Variants in NBAS observed in about 807,000 individuals in gnomAD.
NBAS encodes NBAS subunit of NRZ tethering complex.
Under a neutral mutation model 302.5 loss-of-function variants are expected in NBAS, and 219 were observed. The ratio of observed to expected loss-of-function variants is 0.72; its 90% CI spans 0.65 to 0.81. NBAS has a LOEUF of 0.81. Among genes scored for constraint, NBAS ranks in the 30% least tolerant of loss-of-function variants. The pLI is 0.00. For missense variants in NBAS, 2,932 were observed against 2,841.6 expected (o/e 1.03, Z -0.72); for synonymous variants, 1,118 against 1,021.6 (o/e 1.09, Z -1.80).
the NBAS span, among the ~76,000 whole-genome samples, chr2:14,899,973 T>G: frequency 6.6e-6 from 1 of 152,138 alleles, no homozygotes; most frequent in Non-Finnish European, 1.5e-5. Flanking sequence ...AAGACATCAG[T>G]GATCAGTGAC....
intron 47 of NBAS, 102 bp downstream of exon 47, chr2:15,232,320 G>A (rs1667413664): frequency 9.3e-7 from 1 of 1,075,524 alleles, no homozygotes; most frequent in Non-Finnish European, 1.4e-6. Flanking sequence ...ACCTAAAAAT[G>A]TGGCTTAGTC....
At chr2:14,879,557 A>G in the NBAS span, among the ~76,000 whole-genome samples, 1 of 152,164 alleles carries the variant, frequency 6.6e-6, no homozygotes, top group Non-Finnish European at 1.5e-5. Context: ...TAAACAGATT[A>G]CAAATCTGTT....
the NBAS span, among the ~76,000 whole-genome samples, chr2:14,841,851 A>T: frequency 2.6e-5 from 4 of 152,048 alleles, no homozygotes; most frequent in Non-Finnish European, 5.9e-5. Context: ...CCTAACTGAC[A>T]TTTACAGAAC....
the NBAS span, among the ~76,000 whole-genome samples, chr2:14,924,008 T>C: frequency 6.6e-6 from 1 of 152,258 alleles, no homozygotes; most frequent in South Asian, 2.1e-4. Context: ...TGGCTGGACC[T>C]TTTCCTCGCA....
chr2:15,114,673 G>T, the NBAS span, among the ~76,000 whole-genome samples: 2 of 152,152 alleles, frequency 1.3e-5, no homozygotes, highest in African/African-American at 4.8e-5. Context: ...ACTCTGGGGG[G>T]AAGTATGTGG....
chr2:15,509,149 CT>C (rs1662018745), intron 10 of NBAS, among the ~76,000 whole-genome samples: 1 of 152,174 alleles, frequency 6.6e-6, no homozygotes, highest in South Asian at 2.1e-4. Context: ...CCTCACTTTA[CT>C]TTTTATAGAT....
At chr2:15,003,932 C>T in the NBAS span, among the ~76,000 whole-genome samples, 2 of 152,186 alleles carry the variant, frequency 1.3e-5, no homozygotes, top group Non-Finnish European at 2.9e-5. Flanking sequence ...CGGCTTTACT[C>T]TAGTGACTCG....
the NBAS span, among the ~76,000 whole-genome samples, chr2:14,918,588 A>C: frequency 1.3e-5 from 2 of 152,248 alleles, no homozygotes; most frequent in Admixed American, 1.3e-4. Flanking sequence ...AAAGAGCCTG[A>C]TGCCATAGAG....
At chr2:14,983,926 T>C in the NBAS span, among the ~76,000 whole-genome samples, 1 of 152,206 alleles carries the variant, frequency 6.6e-6, no homozygotes, top group Non-Finnish European at 1.5e-5. Context: ...ACAAGACTTC[T>C]GCTGTCAGAA....
chr2:15,305,449 G>GTTTTT (rs35136896), intron 40 of NBAS, among the ~76,000 whole-genome samples: 1 of 123,804 alleles, frequency 8.1e-6, no homozygotes, highest in Non-Finnish European at 1.7e-5. Context: ...GTCTCGAGCA[G>GTTTTT]TTTTTTTTTT....
At chr2:15,464,531 T>C (rs1423745302) in intron 19 of NBAS, among the ~76,000 whole-genome samples, 1 of 152,166 alleles carries the variant, frequency 6.6e-6, no homozygotes, top group Admixed American at 6.6e-5. Flanking sequence ...CTCTTTCTTC[T>C]GTTCCATAAA....
chr2:15,023,048 G>T, the NBAS span, among the ~76,000 whole-genome samples: 1 of 150,842 alleles, frequency 6.6e-6, no homozygotes, highest in African/African-American at 2.4e-5. Context: ...CTCCTCATCT[G>T]CACCCATTAT....
At chr2:14,988,877 T>C in the NBAS span, among the ~76,000 whole-genome samples, 1 of 152,128 alleles carries the variant, frequency 6.6e-6, no homozygotes, top group Non-Finnish European at 1.5e-5. Flanking sequence ...GTTAGGCATG[T>C]GACATAAAAC....
At chr2:15,425,733 C>T (rs1388615007) in intron 22 of NBAS, among the ~76,000 whole-genome samples, 1 of 152,176 alleles carries the variant, frequency 6.6e-6, no homozygotes, top group Non-Finnish European at 1.5e-5. Flanking sequence ...CTCCTGGCAT[C>T]TCTTACATCT....
chr2:15,304,445 A>T (rs1290852155), intron 40 of NBAS, among the ~76,000 whole-genome samples: 1 of 152,228 alleles, frequency 6.6e-6, no homozygotes, highest in Non-Finnish European at 1.5e-5. Context: ...TTAATACTGC[A>T]GAAAGTGGGG....
At chr2:15,300,316 T>C (rs1670740857) in intron 40 of NBAS, among the ~76,000 whole-genome samples, 1 of 152,234 alleles carries the variant, frequency 6.6e-6, no homozygotes, top group African/African-American at 2.4e-5. Flanking sequence ...CTGGGTGTTA[T>C]TATGTGCAGG....
At chr2:15,126,547 G>A in the NBAS span, among the ~76,000 whole-genome samples, 14 of 152,148 alleles carry the variant, frequency 9.2e-5, no homozygotes, top group African/African-American at 3.4e-4. Context: ...ACACAGATCA[G>A]AGGTACCTCA....
intron 11 of NBAS, among the ~76,000 whole-genome samples, chr2:15,493,812 T>A (rs1048332585): frequency 6.6e-6 from 1 of 150,990 alleles, no homozygotes; most frequent in Non-Finnish European, 1.5e-5. Context: ...AAAATTTATA[T>A]GTAGCTGCAA....
the NBAS span, among the ~76,000 whole-genome samples, chr2:14,998,546 G>A: frequency 6.6e-6 from 1 of 152,334 alleles, no homozygotes; most frequent in East Asian, 1.9e-4. Context: ...GTTTGCTACT[G>A]CAATGGTGAG....
Sources: gnomAD v4.1 joint callset for allele counts (sites outside exome capture counted in the v4.1 genomes callset) on GRCh38, gnomAD v4.1.1 for gene constraint, MANE v1.5 for transcripts, NCBI Gene and HGNC (gene_info 2026-07-23, HGNC 2026-07-21) for gene names.